The following EPHB1 variants were observed in gnomAD, a reference collection of about 807,000 sequenced individuals.
EPHB1 encodes EPH receptor B1.
Under a neutral mutation model 94.4 loss-of-function variants are expected in EPHB1, and 30 were observed. The observed-to-expected ratio is 0.32, with a 90% confidence interval of 0.24 to 0.43. The LOEUF is 0.43. Among genes scored for constraint, EPHB1 ranks in the 20% least tolerant of loss-of-function variants. EPHB1 has a pLI of 1.00. For synonymous variants in EPHB1, 522 were observed against 489.1 expected (o/e 1.07, Z -0.89); for missense variants, 1,055 against 1,308.3 (o/e 0.81, Z 2.99).
At chr3:135,202,584 T>A (rs984887111) in intron 12 of EPHB1, among the ~76,000 whole-genome samples, 1 of 152,238 alleles carries the variant, frequency 6.6e-6, no homozygotes, top group Non-Finnish European at 1.5e-5. Flanking sequence ...GTGACTGATC[T>A]ACCTACTAAC....
At chr3:134,862,466 A>G (rs116047891) in intron 1 of EPHB1, among the ~76,000 whole-genome samples, 59 of 149,390 alleles carry the variant, frequency 3.9e-4, no homozygotes, top group African/African-American at 1.3e-3. Flanking sequence ...TGAACAAGCT[A>G]TTATTCCTCA....
chr3:135,029,919 G>A lies in EPHB1; in HGVS notation c.806-76529G>A, dbSNP rs1056793104. On this transcript the variant is annotated intron_variant, in intron 3 of 15. Coordinates refer to ENST00000398015, the MANE Select transcript of EPHB1 (RefSeq NM_004441.5). ...CCCATATTTCTTGGAGGCTTTGCTC[G>A]TTTCTTTTTATTCTTTTTTCTCTAA... is the stretch of plus-strand genomic sequence containing the variant. 4.6e-3 allele frequency among the ~76,000 whole-genome samples: 703 copies of A among 151,296 alleles called. 3 individuals carry two copies. Among genetic ancestry groups the A allele is most frequent in the African/African-American group, 0.016 (663 of 41,226 alleles).
intron 1 of EPHB1, among the ~76,000 whole-genome samples, chr3:134,891,816 T>C (rs1389184231): frequency 6.6e-6 from 1 of 152,184 alleles, no homozygotes; most frequent in East Asian, 1.9e-4. Flanking sequence ...AGGATCTGGG[T>C]GTTAGAGCCC....
At chr3:135,016,104 G>A (rs921284614) in intron 3 of EPHB1, among the ~76,000 whole-genome samples, 1 of 152,194 alleles carries the variant, frequency 6.6e-6, no homozygotes, top group Admixed American at 6.5e-5. Flanking sequence ...TTATAAATGG[G>A]TAAAGGTGGG....
Position 134,874,675 on chromosome 3 carries a change from C to G in EPHB1, c.59-51141C>G, listed in dbSNP as rs182341991. Among the ~76,000 whole-genome samples the G allele has an allele frequency of 2.0e-5, 3 of 152,302 alleles. No individual in the cohort carries two copies. In the East Asian group the frequency reaches 5.8e-4, roughly 29 times the overall value. The stretch of plus-strand genomic sequence containing the variant: ...GCTGGCCTGGATGACCGGCAAGACT[C>G]CTGCATTGACAACCTCGTGGGTGGG... On this transcript the variant is annotated intron_variant, in intron 1 of 15. Coordinates refer to ENST00000398015, the MANE Select transcript of EPHB1 (RefSeq NM_004441.5).
intron 12 of EPHB1, among the ~76,000 whole-genome samples, chr3:135,235,196 C>T (rs891593573): frequency 1.3e-5 from 2 of 152,174 alleles, no homozygotes; most frequent in Non-Finnish European, 2.9e-5. Flanking sequence ...TTAGTCAAAA[C>T]CTCTTGTTGA....
At chr3:134,888,495 G>A (rs2037902770) in intron 1 of EPHB1, among the ~76,000 whole-genome samples, 1 of 152,036 alleles carries the variant, frequency 6.6e-6, no homozygotes, top group Non-Finnish European at 1.5e-5. Flanking sequence ...ACATCACAAG[G>A]TCAGGAGATC....
intron 1 of EPHB1, among the ~76,000 whole-genome samples, chr3:134,883,182 C>G (rs1305787091): frequency 1.3e-5 from 2 of 152,152 alleles, no homozygotes; most frequent in Non-Finnish European, 2.9e-5. Context: ...TTTGCTAATT[C>G]CAACATGTTG....
chr3:135,118,363 A>G (rs1939799161), intron 4 of EPHB1, among the ~76,000 whole-genome samples: 1 of 152,162 alleles, frequency 6.6e-6, no homozygotes, highest in African/African-American at 2.4e-5. Context: ...AAGTGTTGCT[A>G]CAGTTTAGGC....
At chr3:135,243,735 A>T (rs1249501130) in intron 13 of EPHB1, among the ~76,000 whole-genome samples, 1 of 152,220 alleles carries the variant, frequency 6.6e-6, no homozygotes, top group East Asian at 1.9e-4. Context: ...TGCAGAGGCA[A>T]GTTGGAGTGC....
chr3:134,909,671 T>A (rs2038411875), intron 1 of EPHB1, among the ~76,000 whole-genome samples: 1 of 152,204 alleles, frequency 6.6e-6, no homozygotes, highest in Non-Finnish European at 1.5e-5. Flanking sequence ...GAACCACTGG[T>A]GTCATTTTTC....
intron 1 of EPHB1, among the ~76,000 whole-genome samples, chr3:134,833,715 G>C (rs2895697): frequency 0.16 from 24,120 of 152,056 alleles, 2,572 homozygotes; most frequent in African/African-American, 0.3. Context: ...AGCTGCCTGT[G>C]AGGCTGAGTC....
At chr3:134,947,763 C>G (rs371444394) in intron 2 of EPHB1, among the ~76,000 whole-genome samples, 39 of 152,258 alleles carry the variant, frequency 2.6e-4, no homozygotes, top group Non-Finnish European at 5.0e-4. Flanking sequence ...TATCTCAGCT[C>G]CCATAGGAGA....
chr3:134,851,841 AATCTTCTTACTGTGTTGTAGCTTTGTCC>A (rs890166382), intron 1 of EPHB1, among the ~76,000 whole-genome samples: 3 of 152,176 alleles, frequency 2.0e-5, no homozygotes, highest in African/African-American at 7.2e-5. Context: ...AAAATATTGT[AATCTTCTTACTGTGTTGTAGCTTTGTCC>A]ATGTTCAGAG....
intron 5 of EPHB1, among the ~76,000 whole-genome samples, chr3:135,147,879 A>G (rs1941066461): frequency 6.6e-6 from 1 of 152,174 alleles, no homozygotes; most frequent in South Asian, 2.1e-4. Context: ...ATTTCCACCC[A>G]CACACACAAC....
At chr3:135,010,208 T>A (rs1038326168) in intron 3 of EPHB1, among the ~76,000 whole-genome samples, 4 of 152,216 alleles carry the variant, frequency 2.6e-5, no homozygotes, top group Admixed American at 2.6e-4. Context: ...TCTGTAAAGT[T>A]TTTTGGGTAG....
chr3:135,176,011 CA>C lies in EPHB1; in HGVS notation c.1760-3846del, dbSNP rs1206453560. On this transcript the variant is annotated intron_variant, in intron 9 of 15. Transcript: ENST00000398015. ...CAGAAACACAAAATGAGCCAAAAGACAAATGACCTGTTCTGCCTAGCTAAAG... is the reference window on the plus strand; with the variant it reads ...CAGAAACACAAAATGAGCCAAAAGACAATGACCTGTTCTGCCTAGCTAAAG... Among the ~76,000 whole-genome samples the C allele has an allele frequency of 2.0e-5, 3 of 152,124 alleles. No homozygotes were observed. The East Asian group carries it at 5.8e-4, about 29-fold the overall frequency.
intron 10 of EPHB1, among the ~76,000 whole-genome samples, chr3:135,192,248 CCATTT>C (rs1297426613): frequency 8.3e-4 from 15 of 18,036 alleles, no homozygotes; most frequent in Non-Finnish European, 3.6e-4. Flanking sequence ...GTGAAACTGA[CCATTT>C]CATTTCAATT....
intron 3 of EPHB1, among the ~76,000 whole-genome samples, chr3:135,072,251 G>A (rs117305032): frequency 0.013 from 1,915 of 152,156 alleles, 117 homozygotes; most frequent in Admixed American, 0.096. Flanking sequence ...GTGTGGTGGC[G>A]TGAGCACTAG....
Sources: gnomAD v4.1 joint callset for allele counts (sites outside exome capture counted in the v4.1 genomes callset) on GRCh38, gnomAD v4.1.1 for gene constraint, MANE v1.5 for transcripts, NCBI Gene and HGNC (gene_info 2026-07-23, HGNC 2026-07-21) for gene names.